ZNF385D: variants seen among roughly 807,000 people sequenced by gnomAD.
The protein encoded by ZNF385D is zinc finger protein 659.
In ZNF385D, 15 loss-of-function variants were observed where a neutral mutation model predicts 35.8. The observed-to-expected ratio is 0.42, with a 90% CI of 0.28 to 0.64. ZNF385D has a LOEUF of 0.64. Among genes scored for constraint, ZNF385D ranks in the 30% least tolerant of loss-of-function variants. The probability of loss-of-function intolerance (pLI) is 0.23; values close to 1 mark genes in which losing one functional copy is unlikely to be tolerated. For synonymous variants in ZNF385D, 212 were observed against 186.8 expected (o/e 1.13, Z -1.10); for missense variants, 474 against 494.6 (o/e 0.96, Z 0.39).
rs569130530 is a variant in ZNF385D, at chr3:21,699,542, G to A, written c.23-34514C>T. On this transcript the variant is annotated intron_variant, in intron 1 of 7. Coordinates refer to ENST00000281523, the MANE Select transcript of ZNF385D (RefSeq NM_024697.3). ...AATTAAATACAAAAAAATGTGGCTG[G>A]TCCAAAGTGAGATGCATTCTACATG... 2.0e-5 allele frequency among the ~76,000 whole-genome samples: 3 copies of A among 152,028 alleles called. No individual in the cohort carries two copies. The South Asian group carries it at 6.2e-4, about 32-fold the overall frequency.
intron 3 of ZNF385D, among the ~76,000 whole-genome samples, chr3:22,041,745 G>A (rs1330551018): frequency 6.6e-6 from 1 of 152,026 alleles, no homozygotes; most frequent in Non-Finnish European, 1.5e-5. Flanking sequence ...CATTATAAGA[G>A]AGATACTGAA....
chr3:22,365,346 A>G (rs6764545), intron 2 of ZNF385D, among the ~76,000 whole-genome samples: 114,909 of 151,928 alleles, frequency 0.76, 43,791 homozygotes, highest in South Asian at 0.86. Context: ...AAGAAAAAAA[A>G]TTGAAAAACA....
At chr3:22,268,773 C>T (rs1273281665) in intron 2 of ZNF385D, among the ~76,000 whole-genome samples, 2 of 151,972 alleles carry the variant, frequency 1.3e-5, no homozygotes, top group Non-Finnish European at 2.9e-5. Flanking sequence ...TAGGATGTGA[C>T]ATCTTTGGAG....
At chr3:21,739,946 A>G (rs1026347055) in intron 1 of ZNF385D, among the ~76,000 whole-genome samples, 1 of 152,214 alleles carries the variant, frequency 6.6e-6, no homozygotes, top group African/African-American at 2.4e-5. Flanking sequence ...TTCACAGATT[A>G]AGAAACGGAG....
intron 1 of ZNF385D, among the ~76,000 whole-genome samples, chr3:21,686,033 T>A (rs1465234679): frequency 6.6e-6 from 1 of 152,138 alleles, no homozygotes; most frequent in East Asian, 1.9e-4. Context: ...TCCCAAAAAA[T>A]GAGAGACAAA....
At chr3:22,330,408 G>C (rs1024038711) in intron 2 of ZNF385D, among the ~76,000 whole-genome samples, 2 of 152,062 alleles carry the variant, frequency 1.3e-5, no homozygotes, top group African/African-American at 4.8e-5. Flanking sequence ...TGGAATGTAG[G>C]TTTGCAGGAT....
At chr3:21,821,272 C>A (rs536416158) in intron 3 of ZNF385D, among the ~76,000 whole-genome samples, 7 of 151,944 alleles carry the variant, frequency 4.6e-5, no homozygotes, top group Non-Finnish European at 1.0e-4. Context: ...CTAAATGCAG[C>A]AGAAAGTTAA....
chr3:21,420,780 T>C lies in ZNF385D; in HGVS notation c.*434A>G, dbSNP rs144912766. 4.1e-3 allele frequency: 639 copies of C among 155,752 alleles called. 3 individuals carry two copies. The highest frequency in any genetic ancestry group is 0.015 in the African/African-American group (607 of 40,832). The allele number at this position is 155,752 out of a possible 1,614,324, so 9.6% of individuals were successfully genotyped here. ...ATTCACAGTGTTGCTTTTGTTTTTG[T>C]TTTTTTCCTTTTTTTTTGTACGATT... On this transcript the variant is annotated 3_prime_UTR_variant, in exon 8 of 8. Transcript: ENST00000281523.
chr3:21,979,264 A>C lies in ZNF385D; in HGVS notation c.325+189553T>G, dbSNP rs539019237. On this transcript the variant is annotated intron_variant, in intron 3 of 5. Transcript: ENST00000494108. ...TGCACCAAACAGAAGGGGGAAAAAA[A>C]CCCACAAAATTCTGTGCTATTATAT... Among the ~76,000 whole-genome samples, 1,229 of 152,316 alleles carry C rather than the reference A, an allele frequency of 8.1e-3. 10 individuals carry two copies. Among genetic ancestry groups the C allele is most frequent in the Non-Finnish European group, 0.014 (965 of 68,032 alleles).
At chr3:21,516,375 C>A (rs962752955) in intron 3 of ZNF385D, among the ~76,000 whole-genome samples, 3 of 152,154 alleles carry the variant, frequency 2.0e-5, no homozygotes, top group African/African-American at 4.8e-5. Flanking sequence ...CCATTTTGAG[C>A]TGATTATTTT....
intron 2 of ZNF385D, among the ~76,000 whole-genome samples, chr3:22,175,956 G>A (rs1694805452): frequency 6.7e-6 from 1 of 149,948 alleles, no homozygotes; most frequent in Non-Finnish European, 1.5e-5. Context: ...ATTAGCATTT[G>A]AGAAAATTAT....
intron 3 of ZNF385D, among the ~76,000 whole-genome samples, chr3:22,123,483 C>A (rs900390235): frequency 6.6e-6 from 1 of 152,072 alleles, no homozygotes; most frequent in Non-Finnish European, 1.5e-5. Flanking sequence ...TTACCTCAAG[C>A]ATTTATCATT....
chr3:22,347,680 T>C (rs942855206), intron 2 of ZNF385D, among the ~76,000 whole-genome samples: 2 of 152,166 alleles, frequency 1.3e-5, no homozygotes, highest in Non-Finnish European at 2.9e-5. Context: ...GATATGACTG[T>C]TTCACTTTAT....
At chr3:21,853,473 G>A (rs1696513096) in intron 3 of ZNF385D, among the ~76,000 whole-genome samples, 1 of 149,038 alleles carries the variant, frequency 6.7e-6, no homozygotes, top group Non-Finnish European at 1.5e-5. Flanking sequence ...AAGGTTTCAA[G>A]TGTTTTAGAG....
intron 4 of ZNF385D, among the ~76,000 whole-genome samples, chr3:21,454,271 C>A (rs1191329435): frequency 2.6e-5 from 4 of 151,572 alleles, no homozygotes; most frequent in Non-Finnish European, 5.9e-5. Flanking sequence ...TAGAAAGTTG[C>A]AATGATTGCA....
At chr3:21,726,807 A>C (rs2068784883) in intron 1 of ZNF385D, among the ~76,000 whole-genome samples, 1 of 152,182 alleles carries the variant, frequency 6.6e-6, no homozygotes. Context: ...TCTTCATAGA[A>C]TAGGAGAAAA....
chr3:22,292,138 T>C (rs952727051), intron 2 of ZNF385D, among the ~76,000 whole-genome samples: 8 of 152,068 alleles, frequency 5.3e-5, no homozygotes, highest in Non-Finnish European at 1.2e-4. Context: ...TTATCTAATG[T>C]ACTTTCTACC....
At chr3:21,719,333 T>C (rs2068444404) in intron 1 of ZNF385D, among the ~76,000 whole-genome samples, 1 of 152,228 alleles carries the variant, frequency 6.6e-6, no homozygotes, top group Non-Finnish European at 1.5e-5. Context: ...CTGGTCCACA[T>C]GAGGCAGAAT....
intron 3 of ZNF385D, among the ~76,000 whole-genome samples, chr3:21,963,070 G>C (rs1702687007): frequency 6.6e-6 from 1 of 152,092 alleles, no homozygotes; most frequent in Non-Finnish European, 1.5e-5. Flanking sequence ...GTTTTATCCT[G>C]GTTCAAAAAC....
Sources: gnomAD v4.1 joint callset for allele counts (sites outside exome capture counted in the v4.1 genomes callset) on GRCh38, gnomAD v4.1.1 for gene constraint, MANE v1.5 for transcripts, NCBI Gene and HGNC (gene_info 2026-07-23, HGNC 2026-07-21) for gene names.